Variants in MYO16 observed in about 807,000 individuals in gnomAD.
MYO16 encodes myosin XVI.
Under a neutral mutation model 205.3 loss-of-function variants are expected in MYO16, and 94 were observed. The observed-to-expected ratio is 0.46, with a 90% confidence interval of 0.39 to 0.54. MYO16 has a LOEUF of 0.54. MYO16 is among the 20% of genes least tolerant of loss of function. The pLI, the probability that MYO16 is intolerant of heterozygous loss-of-function variation, is 0.00. For missense variants in MYO16, 2,315 were observed against 2,387.5 expected (o/e 0.97, Z 0.63); for synonymous variants, 988 against 954.0 (o/e 1.04, Z -0.66).
intron 24 of MYO16, among the ~76,000 whole-genome samples, chr13:109,047,977 T>C (rs1402311173): frequency 6.6e-6 from 1 of 152,122 alleles, no homozygotes; most frequent in Non-Finnish European, 1.5e-5. Context: ...AATAACATTA[T>C]GAAGACGGAA....
At chr13:108,899,857 G>A (rs1594380655) in intron 15 of MYO16, among the ~76,000 whole-genome samples, 1 of 152,192 alleles carries the variant, frequency 6.6e-6, no homozygotes, top group African/African-American at 2.4e-5. Context: ...TCATCACTTG[G>A]GAGTTTGTTA....
chr13:108,845,943 A>G (rs529885881), intron 10 of MYO16, among the ~76,000 whole-genome samples: 287 of 152,138 alleles, frequency 1.9e-3, no homozygotes, highest in African/African-American at 6.0e-3. Flanking sequence ...TCCTGGGCTC[A>G]GGTGATCCTC....
At chr13:109,062,343 T>C (rs1887618692) in intron 27 of MYO16, among the ~76,000 whole-genome samples, 1 of 152,150 alleles carries the variant, frequency 6.6e-6, no homozygotes, top group Admixed American at 6.5e-5. Flanking sequence ...GAACTTGGCA[T>C]TGGAGATTAA....
chr13:108,658,150 G>A (rs778036516), intron 1 of MYO16, among the ~76,000 whole-genome samples: 15 of 152,122 alleles, frequency 9.9e-5, no homozygotes, highest in Non-Finnish European at 1.6e-4. Context: ...GAAAATGCAG[G>A]TTATCTCTGC....
chr13:108,990,615 T>C (rs1428543116), intron 20 of MYO16, among the ~76,000 whole-genome samples: 1 of 152,206 alleles, frequency 6.6e-6, no homozygotes. Flanking sequence ...GTTATAAAGC[T>C]ATTTTTATTC....
At chr13:108,728,888 G>A (rs1884429108) in intron 4 of MYO16, among the ~76,000 whole-genome samples, 1 of 151,918 alleles carries the variant, frequency 6.6e-6, no homozygotes, top group Non-Finnish European at 1.5e-5. Flanking sequence ...AAAATATTTT[G>A]GGATTAAAGG....
the MYO16 span, among the ~76,000 whole-genome samples, chr13:108,587,407 A>G: frequency 1.3e-5 from 2 of 152,188 alleles, no homozygotes; most frequent in Non-Finnish European, 2.9e-5. Flanking sequence ...CAAATGAACC[A>G]TAAACATCAG....
Position 108,742,133 on chromosome 13 carries a change from C to T in MYO16, c.507+14550C>T, listed in dbSNP as rs116459375. ...TCAGCTGCCTGAAGAGCTGAGACTACAGGCGCATGTCACCACGCCCAGCTA... is the reference window on the plus strand; with the variant it reads ...TCAGCTGCCTGAAGAGCTGAGACTATAGGCGCATGTCACCACGCCCAGCTA... On this transcript the variant is annotated intron_variant, in intron 4 of 34. Transcript: ENST00000457511. Among the ~76,000 whole-genome samples, 670 of 152,136 alleles carry T rather than the reference C, an allele frequency of 4.4e-3. 3 individuals are homozygous for T. The highest frequency in any genetic ancestry group is 0.015 in the African/African-American group (628 of 41,496).
At chr13:108,744,200 A>G (rs1230629277) in intron 4 of MYO16, among the ~76,000 whole-genome samples, 2 of 152,208 alleles carry the variant, frequency 1.3e-5, no homozygotes, top group African/African-American at 4.8e-5. Flanking sequence ...TCAGGCTTGA[A>G]TGACTTCAAC....
chr13:109,142,816 C>G (rs977073666), intron 32 of MYO16, among the ~76,000 whole-genome samples: 3 of 152,152 alleles, frequency 2.0e-5, no homozygotes, highest in African/African-American at 7.2e-5. Context: ...CGAGAAGATT[C>G]TGTATCTGCG....
At chr13:108,516,705 T>C in the MYO16 span, among the ~76,000 whole-genome samples, 3 of 152,162 alleles carry the variant, frequency 2.0e-5, no homozygotes, top group Non-Finnish European at 4.4e-5. Flanking sequence ...TTTTCTCTGT[T>C]GTTTTGTCAC....
At chr13:108,922,988 C>T (rs1881814900) in intron 16 of MYO16, among the ~76,000 whole-genome samples, 1 of 152,202 alleles carries the variant, frequency 6.6e-6, no homozygotes, top group African/African-American at 2.4e-5. Context: ...AAGAGAGGTT[C>T]CATGAACCTC....
chr13:108,882,027 T>C (rs541062746), intron 12 of MYO16, among the ~76,000 whole-genome samples: 7 of 152,274 alleles, frequency 4.6e-5, no homozygotes, highest in South Asian at 2.1e-4. Context: ...AAGGAAAAAC[T>C]GTAAAGGGCA....
intron 14 of MYO16, among the ~76,000 whole-genome samples, chr13:108,891,827 AC>A (rs1454714947): frequency 1.3e-5 from 2 of 152,240 alleles, no homozygotes; most frequent in Non-Finnish European, 2.9e-5. Flanking sequence ...AGTTAAAAAT[AC>A]GGAAATATAC....
intron 34 of MYO16, among the ~76,000 whole-genome samples, chr13:109,204,217 A>T (rs1345101702): frequency 6.6e-6 from 1 of 152,262 alleles, no homozygotes; most frequent in Non-Finnish European, 1.5e-5. Context: ...TTTTCTAAAT[A>T]AATGAATATG....
At chr13:108,774,774 A>G (rs1886074298) in intron 4 of MYO16, among the ~76,000 whole-genome samples, 1 of 152,212 alleles carries the variant, frequency 6.6e-6, no homozygotes, top group African/African-American at 2.4e-5. Context: ...GTGCACACAC[A>G]TGTGCACAAA....
intron 7 of MYO16, among the ~76,000 whole-genome samples, chr13:108,809,844 A>G (rs1887231724): frequency 6.6e-6 from 1 of 152,166 alleles, no homozygotes; most frequent in Non-Finnish European, 1.5e-5. Context: ...CCCACCACTC[A>G]CTGACTGTGG....
At chr13:108,811,633 T>C (rs1446553004) in intron 7 of MYO16, among the ~76,000 whole-genome samples, 1 of 152,068 alleles carries the variant, frequency 6.6e-6, no homozygotes, top group East Asian at 1.9e-4. Flanking sequence ...ACTAATCCTT[T>C]GCCATTTTCC....
intron 14 of MYO16, among the ~76,000 whole-genome samples, chr13:108,893,223 C>A (rs1880253684): frequency 1.3e-5 from 2 of 152,116 alleles, no homozygotes; most frequent in African/African-American, 4.8e-5. Flanking sequence ...GAATTAAATA[C>A]AAGCATTGAA....
Sources: allele counts gnomAD v4.1 joint callset (sites outside exome capture counted in the v4.1 genomes callset), GRCh38; gene constraint gnomAD v4.1.1; transcripts MANE v1.5; gene names NCBI Gene and HGNC (gene_info 2026-07-23, HGNC 2026-07-21).